ADGRL3: variants seen among roughly 807,000 people sequenced by gnomAD.
ADGRL3 encodes adhesion G protein-coupled receptor L3, also known as calcium-independent alpha-latrotoxin receptor 3.
Under a neutral mutation model 153.5 loss-of-function variants are expected in ADGRL3, and 62 were observed. The observed-to-expected ratio is 0.40, with a 90% CI of 0.33 to 0.50. The LOEUF is 0.50. Ranked by LOEUF, ADGRL3 falls within the 20% of genes least tolerant of loss-of-function variation. The pLI is 0.47. For synonymous variants in ADGRL3, 710 were observed against 672.5 expected, an observed-to-expected ratio of 1.06 and a Z score of -0.86; for missense variants, 1,641 against 1,859.4, an observed-to-expected ratio of 0.88 and a Z score of 2.16.
At chr4:61,649,104 A>T (rs1225954386) in intron 5 of ADGRL3, among the ~76,000 whole-genome samples, 9 of 152,016 alleles carry the variant, frequency 5.9e-5, no homozygotes. Context: ...ATCTTTATCT[A>T]CTGATCTGTA....
At chr4:61,432,659 T>TC (rs2097385886) in intron 2 of ADGRL3, among the ~76,000 whole-genome samples, 1 of 140,310 alleles carries the variant, frequency 7.1e-6, no homozygotes. Flanking sequence ...TCTTTCTTTT[T>TC]TTTTTTTTTT....
intron 9 of ADGRL3, among the ~76,000 whole-genome samples, chr4:61,839,979 A>G (rs946223106): frequency 4.6e-5 from 7 of 152,208 alleles, no homozygotes; most frequent in Non-Finnish European, 7.4e-5. Flanking sequence ...CATTAAAAAA[A>G]AAAAGCAAAT....
chr4:61,747,804 G>T (rs1157778353), intron 8 of ADGRL3, among the ~76,000 whole-genome samples: 15 of 151,466 alleles, frequency 9.9e-5, no homozygotes, highest in South Asian at 4.2e-4. Context: ...GCACAAGACA[G>T]GGATGCCCTC....
chr4:61,828,456 A>G (rs1443045046), intron 9 of ADGRL3, among the ~76,000 whole-genome samples: 1 of 152,194 alleles, frequency 6.6e-6, no homozygotes, highest in Admixed American at 6.5e-5. Flanking sequence ...GCAAACATTT[A>G]AATTTTGCTT....
At position 61,497,363 on chromosome 4, in the gene ADGRL3, A is replaced by T. The variant is rs2098330510; in HGVS notation, c.55+15A>T. ...AATAATTCATGGTAAGATTTTTCAG[A>T]TTTTTGTGTAATGCTTAATGTTGTC... On this transcript the variant is annotated intron_variant, in intron 3 of 26. Coordinates refer to ENST00000683033, the MANE Select transcript of ADGRL3 (RefSeq NM_001387552.1). 3 of 1,578,624 alleles carry T rather than the reference A, an allele frequency of 1.9e-6. No individual in the cohort carries two copies. The highest frequency in any genetic ancestry group is 2.6e-6 in the Non-Finnish European group (3 of 1,156,188).
intron 1 of ADGRL3, among the ~76,000 whole-genome samples, chr4:61,368,540 G>T (rs1223219655): frequency 6.6e-6 from 1 of 151,880 alleles, no homozygotes; most frequent in Non-Finnish European, 1.5e-5. Flanking sequence ...GATAGTTGTA[G>T]ATATGCGGCG....
chr4:61,768,740 G>A (rs1388887618), intron 8 of ADGRL3, among the ~76,000 whole-genome samples: 1 of 151,926 alleles, frequency 6.6e-6, no homozygotes, highest in Non-Finnish European at 1.5e-5. Flanking sequence ...GGAATGGAAG[G>A]TGGAAGCTTG....
intron 8 of ADGRL3, among the ~76,000 whole-genome samples, chr4:61,773,921 A>T (rs1561226204): frequency 6.6e-6 from 1 of 152,216 alleles, no homozygotes; most frequent in Non-Finnish European, 1.5e-5. Flanking sequence ...AATTGTGGGA[A>T]GGTAAATATA....
intron 25 of ADGRL3, among the ~76,000 whole-genome samples, chr4:62,051,876 T>A (rs183309137): frequency 6.6e-6 from 1 of 151,716 alleles, no homozygotes; most frequent in Non-Finnish European, 1.5e-5. Flanking sequence ...ATTTGTTTCA[T>A]GTAAGTTGTT....
At chr4:61,417,039 A>G (rs2097151539) in intron 2 of ADGRL3, among the ~76,000 whole-genome samples, 1 of 152,156 alleles carries the variant, frequency 6.6e-6, no homozygotes, top group African/African-American at 2.4e-5. Context: ...AATAAGGTTC[A>G]TGCTCCTGTG....
chr4:61,609,812 C>T (rs2099046107), intron 5 of ADGRL3, among the ~76,000 whole-genome samples: 1 of 151,880 alleles, frequency 6.6e-6, no homozygotes, highest in African/African-American at 2.4e-5. Context: ...TTAAAATGGC[C>T]TGTGAGCAGT....
At chr4:61,444,077 A>G (rs958012907) in intron 2 of ADGRL3, among the ~76,000 whole-genome samples, 19 of 152,232 alleles carry the variant, frequency 1.2e-4, no homozygotes, top group African/African-American at 4.6e-4. Context: ...GAGATAAAAA[A>G]GCACTTCTTG....
chr4:61,469,033 A>T (rs2097915672), intron 2 of ADGRL3, among the ~76,000 whole-genome samples: 1 of 151,888 alleles, frequency 6.6e-6, no homozygotes, highest in African/African-American at 2.4e-5. Flanking sequence ...TAGTCATATG[A>T]CTCTTTCCCA....
intron 3 of ADGRL3, among the ~76,000 whole-genome samples, chr4:61,498,064 T>TA (rs938919056): frequency 1.9e-4 from 29 of 152,280 alleles, no homozygotes; most frequent in Admixed American, 7.8e-4. Flanking sequence ...TTTGGGCATT[T>TA]GAAAGAAAAC....
chr4:61,886,624 ATTTGTTTG>A lies in ADGRL3; in HGVS notation c.1481-6002_1481-5995del, dbSNP rs34618045. On this transcript the variant is annotated intron_variant, in intron 9 of 26. Coordinates refer to ENST00000683033, the MANE Select transcript of ADGRL3 (RefSeq NM_001387552.1). The stretch of plus-strand genomic sequence containing the variant: ...TCTTCTCTTGTGAAGTTTAGACTAC[ATTTGTTTG>A]TTTGTTTGTTTGTTTGTTTGTTTGT... 7.7e-3 allele frequency among the ~76,000 whole-genome samples: 1,150 copies of A among 149,116 alleles called. 16 individuals carry two copies. Among genetic ancestry groups the A allele is most frequent in the African/African-American group, 0.026 (1,045 of 40,378 alleles).
intron 4 of ADGRL3, among the ~76,000 whole-genome samples, chr4:61,568,760 T>C (rs35658018): frequency 0.2 from 30,782 of 152,154 alleles, 3,272 homozygotes; most frequent in Non-Finnish European, 0.22. Flanking sequence ...TTTCTGCCAT[T>C]TGCTTCTATA....
intron 5 of ADGRL3, among the ~76,000 whole-genome samples, chr4:61,657,834 G>A (rs770265578): frequency 2.8e-4 from 42 of 152,194 alleles, no homozygotes; most frequent in Non-Finnish European, 8.8e-5. Context: ...TTTGACATCA[G>A]AGGTTGAGAT....
intron 1 of ADGRL3, among the ~76,000 whole-genome samples, chr4:61,375,770 T>C (rs779336021): frequency 1.1e-4 from 16 of 152,150 alleles, no homozygotes; most frequent in Non-Finnish European, 2.1e-4. Flanking sequence ...TATGTTCTCT[T>C]TGTATATTCA....
chr4:61,402,885 G>T (rs750810566), intron 2 of ADGRL3, among the ~76,000 whole-genome samples: 14 of 151,626 alleles, frequency 9.2e-5, no homozygotes, highest in Non-Finnish European at 1.8e-4. Context: ...ATCTGCTTGG[G>T]CTGCCTTAAC....
Sources: gnomAD v4.1 joint callset for allele counts (sites outside exome capture counted in the v4.1 genomes callset) on GRCh38, gnomAD v4.1.1 for gene constraint, MANE v1.5 for transcripts, NCBI Gene and HGNC (gene_info 2026-07-23, HGNC 2026-07-21) for gene names.